Variants in HAUS7 observed in about 807,000 individuals in gnomAD.
The protein encoded by HAUS7 is HAUS augmin-like complex subunit 7.
A neutral mutation model predicts 28.4 loss-of-function variants in HAUS7; 3 were observed. The ratio of observed to expected loss-of-function variants is 0.11; its 90% CI spans 0.05 to 0.27. The LOEUF (loss-of-function observed/expected upper bound fraction) is 0.27. Among genes scored for constraint, HAUS7 ranks in the 10% least tolerant of loss-of-function variants. The pLI, the probability that HAUS7 is intolerant of heterozygous loss-of-function variation, is 1.00. For synonymous variants in HAUS7, 165 were observed against 132.1 expected (o/e 1.25, Z -1.71); for missense variants, 284 against 297.3 (o/e 0.96, Z 0.33).
chrX:153,462,731 G>T, intron 3 of HAUS7, 60 bp from the exon 4 acceptor site: 1 of 920,899 alleles, frequency 1.1e-6, no homozygotes, highest in Non-Finnish European at 1.6e-6. Context: ...GGGGACAGCA[G>T]ACACCCAGGA....
At chrX:153,482,324 C>T (rs1177418021) in intron 1 of HAUS7, 11 of 755,642 alleles carry the variant, frequency 1.5e-5, no homozygotes, top group Non-Finnish European at 1.7e-5. Context: ...CATGACCTCC[C>T]AGAATCTGAT....
intron 1 of HAUS7, among the ~76,000 whole-genome samples, chrX:153,492,214 C>A (rs1221953160): frequency 8.8e-6 from 1 of 113,599 alleles, no homozygotes; most frequent in Non-Finnish European, 1.9e-5. Flanking sequence ...TGCCCGCCCG[C>A]CAGCTCTGCT....
At chrX:153,473,069 A>T (rs1330534208), upstream of HAUS7, among the ~76,000 whole-genome samples, 1 of 111,989 alleles carries the variant, frequency 8.9e-6, no homozygotes, top group Non-Finnish European at 1.9e-5. Context: ...GAGACCTCTC[A>T]GTTTGTGTGG....
At chrX:153,479,971 G>A (rs56203209) in intron 1 of HAUS7, among the ~76,000 whole-genome samples, 5,912 of 111,633 alleles carry the variant, frequency 0.053, 339 homozygotes, top group African/African-American at 0.16. Flanking sequence ...GGTGGCCCCT[G>A]GGCTTGCCTA....
At chrX:153,461,959 T>A in intron 4 of HAUS7, 1 of 440,804 alleles carries the variant, frequency 2.3e-6, no homozygotes, top group Non-Finnish European at 4.0e-6. Context: ...ACTGACGTCT[T>A]ATGTCTCCCT....
chrX:153,469,781 G>A (rs1031175276), intron 1 of HAUS7, among the ~76,000 whole-genome samples: 2 of 112,013 alleles, frequency 1.8e-5, no homozygotes, highest in Non-Finnish European at 3.8e-5. Flanking sequence ...TCTTGTGGCA[G>A]CAGGACCTAG....
At chrX:153,485,695 C>T in intron 1 of HAUS7, 1 of 644,835 alleles carries the variant, frequency 1.6e-6, no homozygotes, top group South Asian at 5.6e-5. Flanking sequence ...GAGTGTGGGG[C>T]TGCAGCCCCT....
chrX:153,466,840 G>C (rs2089460753), intron 2 of HAUS7, among the ~76,000 whole-genome samples: 1 of 112,510 alleles, frequency 8.9e-6, no homozygotes, highest in South Asian at 3.6e-4. Flanking sequence ...GACGCTCAAA[G>C]GAGATGCTCA....
At chrX:153,486,956 GA>G in intron 1 of HAUS7, 1 of 461,403 alleles carries the variant, frequency 2.2e-6, no homozygotes, top group Non-Finnish European at 3.2e-6. Context: ...ATTGACTGGT[GA>G]GGCCGCTTCA....
At chrX:153,474,651 G>C (rs1348345520), upstream of HAUS7, among the ~76,000 whole-genome samples, 3 of 108,691 alleles carry the variant, frequency 2.8e-5, no homozygotes, top group African/African-American at 1.0e-4. Context: ...GGGACCTTTG[G>C]GTTTCCCGCT....
At chrX:153,458,288 C>T (rs1348344178) in intron 4 of HAUS7, among the ~76,000 whole-genome samples, 4 of 113,055 alleles carry the variant, frequency 3.5e-5, no homozygotes, top group Non-Finnish European at 7.5e-5. Flanking sequence ...ACTGCCTGCA[C>T]GGTGGTGCTG....
intron 7 of HAUS7, 91 bp from the exon 8 acceptor site, chrX:153,455,857 C>A: frequency 5.5e-6 from 3 of 544,065 alleles, no homozygotes; most frequent in Non-Finnish European, 9.3e-6. Flanking sequence ...ACACCCAGGG[C>A]GAGGAAGAAA....
intron 1 of HAUS7, among the ~76,000 whole-genome samples, chrX:153,477,850 T>C (rs782068129): frequency 8.9e-6 from 1 of 112,571 alleles, no homozygotes; most frequent in African/African-American, 3.2e-5. Flanking sequence ...GGACCCCATG[T>C]GGCTCCTACG....
At chrX:153,472,011 A>G (rs1274322591), upstream of HAUS7, among the ~76,000 whole-genome samples, 2 of 110,959 alleles carry the variant, frequency 1.8e-5, no homozygotes, top group South Asian at 7.5e-4. Flanking sequence ...TTTCATCTCA[A>G]TCACAGCCCC....
Position 153,478,458 on chromosome X carries a change from G to A in HAUS7, c.-588-7313C>T, listed in dbSNP as rs781971011. ...GGTGCCCCTCTGACCAAAAGGATGC[G>A]TGCAGCCTAGGCACATCAGAGATCC... On this transcript the variant is annotated intron_variant, in intron 1 of 5. Coordinates refer to the HAUS7 transcript ENST00000370210. 5.3e-5 allele frequency among the ~76,000 whole-genome samples: 6 copies of A among 112,872 alleles called. No homozygotes were observed. In the South Asian group the frequency reaches 1.8e-3, roughly 34 times the overall value.
chrX:153,479,481 C>T (rs1556986874), intron 1 of HAUS7: 1 of 561,134 alleles, frequency 1.8e-6, no homozygotes, highest in African/African-American at 2.5e-5. Flanking sequence ...GGGCCCATGG[C>T]CCTGAGAGAG....
At chrX:153,473,431 G>A (rs782021827), upstream of HAUS7, among the ~76,000 whole-genome samples, 220 of 113,090 alleles carry the variant, frequency 1.9e-3, no homozygotes, top group African/African-American at 6.9e-3. Flanking sequence ...GGGCCACTTC[G>A]ACTCCCGGCC....
intron 4 of HAUS7, among the ~76,000 whole-genome samples, chrX:153,458,561 G>C (rs2089346242): frequency 1.8e-5 from 2 of 112,517 alleles, no homozygotes; most frequent in Admixed American, 1.9e-4. Context: ...TGGACGCTCA[G>C]GTACAGGATT....
chrX:153,473,241 C>G (rs1471889911), upstream of HAUS7, among the ~76,000 whole-genome samples: 1 of 112,811 alleles, frequency 8.9e-6, no homozygotes, highest in East Asian at 2.8e-4. Context: ...AGGGACCCCC[C>G]AATCCCCCAA....
Sources: allele counts gnomAD v4.1 joint callset (sites outside exome capture counted in the v4.1 genomes callset), GRCh38; gene constraint gnomAD v4.1.1; transcripts MANE v1.5; gene names NCBI Gene and HGNC (gene_info 2026-07-23, HGNC 2026-07-21).